CCT2: variants seen among roughly 807,000 people sequenced by gnomAD.
CCT2 encodes chaperonin containing TCP1 subunit 2.
Under a neutral mutation model 61.8 loss-of-function variants are expected in CCT2, and 18 were observed. The observed-to-expected ratio is 0.29, with a 90% CI of 0.20 to 0.43. The LOEUF is 0.43. CCT2 is among the 20% of genes least tolerant of loss of function. The pLI is 1.00. For missense variants in CCT2, 556 were observed against 656.9 expected (o/e 0.85, Z 1.68); for synonymous variants, 248 against 215.9 (o/e 1.15, Z -1.30).
At chr12:69,596,278 C>T (rs1287649373) in intron 10 of CCT2, among the ~76,000 whole-genome samples, 1 of 151,994 alleles carries the variant, frequency 6.6e-6, no homozygotes, top group Non-Finnish European at 1.5e-5. Flanking sequence ...AGACCAGAGT[C>T]TTTATGAATT....
intron 7 of CCT2, among the ~76,000 whole-genome samples, chr12:69,590,921 G>T (rs1881816818): frequency 6.6e-6 from 1 of 151,594 alleles, no homozygotes; most frequent in South Asian, 2.1e-4. Flanking sequence ...GTATCGCCAT[G>T]TTGACCAGGC....
intron 10 of CCT2, among the ~76,000 whole-genome samples, chr12:69,594,047 G>A (rs1259218398): frequency 6.6e-6 from 1 of 151,906 alleles, no homozygotes; most frequent in Non-Finnish European, 1.5e-5. Flanking sequence ...GCTGAGGGAA[G>A]AGAATCGCTT....
chr12:69,599,795 T>A, intron 14 of CCT2, 68 bp from the exon 15 acceptor site: 2 of 1,292,692 alleles, frequency 1.5e-6, no homozygotes, highest in Non-Finnish European at 2.2e-6. Flanking sequence ...ATTTTTATTA[T>A]AAATCATTAG....
chr12:69,589,264 T>G, intron 6 of CCT2: 1 of 520,448 alleles, frequency 1.9e-6, no homozygotes, highest in Non-Finnish European at 3.3e-6. Context: ...TTTGCATGCT[T>G]GTGTGGCCCC....
rs757243346 is a variant in CCT2 at position 69,599,946 on chromosome 12, G to A, written c.1519G>A (p.Ala507Thr). ...FQVKRQVLLS[A>T]AEAAEVILRV... ...AGTGAAGCGACAGGTTCTTCTGAGT[G>A]CAGCTGAAGCAGCAGAGGTGATTCT... Residue 507 changes from alanine to threonine, a missense_variant, in exon 15 of 16, where the codon GCA becomes ACA. Ala to Thr is a moderately conservative substitution (Grantham distance 58). Coordinates refer to ENST00000299300, the MANE Select transcript of CCT2 (RefSeq NM_006431.3). 1.2e-6 allele frequency: 2 copies of A among 1,613,974 alleles called. No individual in the cohort carries two copies. Among genetic ancestry groups the A allele is most frequent in the Non-Finnish European group, 1.7e-6 (2 of 1,179,872 alleles).
intron 10 of CCT2, among the ~76,000 whole-genome samples, chr12:69,596,303 TAATAG>T (rs1163495438): frequency 6.6e-6 from 1 of 152,140 alleles, no homozygotes; most frequent in Non-Finnish European, 1.5e-5. Context: ...ATAAAATAAA[TAATAG>T]AGCATTGACA....
intron 10 of CCT2, among the ~76,000 whole-genome samples, chr12:69,595,498 G>T (rs550338843): frequency 2.2e-4 from 34 of 152,050 alleles, no homozygotes; most frequent in Non-Finnish European, 2.1e-4. Flanking sequence ...GACCAGCCTG[G>T]TCAATATGGT....
At position 69,587,939 on chromosome 12, in the gene CCT2, G is replaced by A. The variant is rs1005425973; in HGVS notation, c.266G>A (p.Arg89Lys). 6.2e-7 allele frequency: 1 copy of A among 1,611,738 alleles called. No individual in the cohort carries two copies. Among genetic ancestry groups the A allele is most frequent in the African/African-American group, 1.3e-5 (1 of 74,890 alleles). Residue 89 changes from arginine (R) to lysine (K), a missense_variant, in exon 5 of 16, where the codon AGG becomes AAG. Coordinates refer to ENST00000299300, the MANE Select transcript of CCT2 (RefSeq NM_006431.3). ...TAATTTCTTTTTCTAGATATGTCAA[G>A]GGTTCAAGATGATGAAGTTGGTGAT... ...PAAKVLVDMS[R>K]VQDDEVGDGT... is the part of the protein sequence containing the mutation.
intron 6 of CCT2, chr12:69,588,485 A>T (rs1477724343): frequency 2.0e-6 from 1 of 492,742 alleles, no homozygotes; most frequent in Non-Finnish European, 3.6e-6. Context: ...AAATAAAGCA[A>T]ATAGTATAAT....
In CCT2 at chr12:69,588,276, A is replaced by G. The variant is rs745956383; in HGVS notation, c.446+14A>G. ...AGTTGATCATGGGTTTGTATAGCAA[A>G]GTACTACTGTTCTAAACATTTAGTG... On this transcript the variant is annotated intron_variant, in intron 6 of 15. Coordinates refer to ENST00000299300, the MANE Select transcript of CCT2 (RefSeq NM_006431.3). The G allele has an allele frequency of 2.6e-6, 4 of 1,537,152 alleles. No homozygotes were observed. Among genetic ancestry groups the G allele is most frequent in the South Asian group, 1.1e-5 (1 of 89,316 alleles).
At chr12:69,585,944 G>T in intron 1 of CCT2, 1 of 1,279,140 alleles carries the variant, frequency 7.8e-7, no homozygotes, top group Non-Finnish European at 9.9e-7. Context: ...CCCGGCAGGC[G>T]TCACCTTGAT....
rs897301575 is a variant in CCT2, at chr12:69,585,474, A to T, written c.-48A>T. On this transcript the variant is annotated 5_prime_UTR_variant, in exon 1 of 16. Transcript: ENST00000299300. ...GGCTTCCTTCAGTCCGCTGGTCCCG[A>T]GCACGAGCTGTGAGGGGATTCACTT... 6.4e-7 allele frequency: 1 copy of T among 1,555,154 alleles called. No homozygotes were observed. The highest frequency in any genetic ancestry group is 2.4e-5 in the East Asian group (1 of 41,430).
rs897016069 is a variant in CCT2, at chr12:69,588,257, T to A, written c.441T>A (p.Asp147Glu). Residue 147 changes from aspartate to glutamate, a missense_variant, in exon 6 of 16, where the codon GAT becomes GAA. Physicochemically the swap from Asp to Glu is conservative, Grantham distance 45 (BLOSUM62 2). Transcript: ENST00000299300. Reference sequence around the variant, plus strand: ...AGGCGCTGTTGAGTTCTGCAGTTGATCATGGGTTTGTATAGCAAAGTACTA... The same window carrying A: ...AGGCGCTGTTGAGTTCTGCAGTTGAACATGGGTTTGTATAGCAAAGTACTA... The part of the protein sequence containing the change: ...AREALLSSAV[D>E]HGSDEVKFRQ... The A allele has an allele frequency of 1.2e-6, 2 of 1,610,620 alleles. No individual in the cohort carries two copies. Among genetic ancestry groups the A allele is most frequent in the Non-Finnish European group, 1.7e-6 (2 of 1,176,796 alleles).
In CCT2 at chr12:69,597,674, A is replaced by C; in HGVS notation, c.1139A>C (p.Gln380Pro). ...ACCATTGTTTTGCGTGGTGCCACTC[A>C]ACAAATTTTAGATGAAGCAGAAAGA... The part of the protein sequence containing the change: ...ACTIVLRGAT[Q>P]QILDEAERSL... Residue 380 changes from glutamine to proline, a missense_variant, in exon 12 of 16, where the codon CAA becomes CCA. This residue lies in a region of CCT2 where 225 missense variants were observed against 249.8 expected (regional missense o/e 0.90). Transcript: ENST00000299300. 3.7e-6 allele frequency: 6 copies of C among 1,613,972 alleles called. No individual in the cohort carries two copies. Among genetic ancestry groups the C allele is most frequent in the Non-Finnish European group, 5.1e-6 (6 of 1,179,874 alleles).
intron 1 of CCT2, chr12:69,586,047 C>T (rs1881642131): frequency 1.4e-6 from 2 of 1,381,564 alleles, no homozygotes; most frequent in East Asian, 2.7e-5. Context: ...ATAATTTATA[C>T]TCCCGGGGGC....
At chr12:69,599,163 TGCA>T (rs1224012890) in intron 14 of CCT2, among the ~76,000 whole-genome samples, 13 of 152,168 alleles carry the variant, frequency 8.5e-5, no homozygotes, top group African/African-American at 3.1e-4. Flanking sequence ...GATAATTCAC[TGCA>T]GCCTTGAACC....
intron 2 of CCT2, 47 bp from the exon 3 acceptor site, chr12:69,586,706 G>T: frequency 2.4e-6 from 3 of 1,252,302 alleles, no homozygotes; most frequent in Non-Finnish European, 3.4e-6. Context: ...AACTGTACTT[G>T]AAGACTGTAA....
intron 6 of CCT2, 134 bp downstream of exon 6, chr12:69,588,396 A>C (rs1593095292): frequency 1.6e-6 from 1 of 644,994 alleles, no homozygotes; most frequent in South Asian, 2.0e-5. Context: ...CAACAGTCAA[A>C]CCTACATCAG....
intron 10 of CCT2, 75 bp from the exon 11 acceptor site, chr12:69,597,081 A>T: frequency 7.3e-7 from 1 of 1,365,640 alleles, no homozygotes; most frequent in Non-Finnish European, 1.0e-6. Context: ...ATCATTATCT[A>T]TCCATTACTG....
Sources: gnomAD v4.1 joint callset for allele counts (sites outside exome capture counted in the v4.1 genomes callset) on GRCh38, gnomAD v4.1.1 for gene constraint, gnomAD v4.1.1 regional missense constraint, MANE v1.5 for transcripts, NCBI Gene and HGNC (gene_info 2026-07-23, HGNC 2026-07-21) for gene names.